Variants in MRPL36 observed in about 807,000 individuals in gnomAD.
The protein encoded by MRPL36 is large ribosomal subunit protein bL36m.
Under a neutral mutation model 2.8 loss-of-function variants are expected in MRPL36, and 1 was observed. That is an observed-to-expected ratio of 0.36 (90% CI 0.13 to 1.69). The LOEUF (loss-of-function observed/expected upper bound fraction) is 1.69, where lower values mean the gene tolerates loss of function less well. MRPL36 is among the 40% of genes most tolerant of loss of function. The pLI is 0.35. For missense variants in MRPL36, 148 were observed against 132.7 expected, an observed-to-expected ratio of 1.12 and a Z score of -0.57; for synonymous variants, 68 against 54.8, an observed-to-expected ratio of 1.24 and a Z score of -1.06.
upstream of MRPL36, chr5:1,799,973 C>G (rs1239939432): frequency 2.0e-5 from 3 of 152,108 alleles, no homozygotes; most frequent in Non-Finnish European, 4.4e-5. Flanking sequence ...CACTCCCCGA[C>G]TGCGCGCACT....
chr5:1,798,854 T>C lies in MRPL36; in HGVS notation c.82A>G (p.Thr28Ala). The stretch of plus-strand genomic sequence containing the variant: ...CCTCGAATGGATCCAAATAGAAATG[T>C]GGAGAGGGCTCGAGGCTTCACCGTG... The part of the protein sequence containing the change: ...RHTVKPRALS[T>A]FLFGSIRGAA... Residue 28 changes from threonine to alanine, a missense_variant, in exon 2 of 2, where the codon ACA becomes GCA. Thr to Ala is a moderately conservative substitution (Grantham distance 58). Coordinates refer to ENST00000505059, the MANE Select transcript of MRPL36 (RefSeq NM_032479.4). 1 of 1,613,744 alleles carries C rather than the reference T, an allele frequency of 6.2e-7. No homozygotes were observed. The highest frequency in any genetic ancestry group is 8.5e-7 in the Non-Finnish European group (1 of 1,179,746).
rs770920012 is a variant in MRPL36 at position 1,798,896 on chromosome 5, G to A, written c.40C>T (p.Leu14Phe). The A allele has an allele frequency of 3.7e-6, 6 of 1,605,704 alleles. No homozygotes were observed. The highest frequency in any genetic ancestry group is 1.3e-5 in the African/African-American group (1 of 74,734). The change falls in exon 2 of 2, where the codon CTC (leucine) becomes TTC (phenylalanine). Residue 14 changes from leucine to phenylalanine, a missense_variant. Transcript: ENST00000505059. ...TTCACCGTGTGACGACTGAGATAGA[G>A]CAGAGGGTTCACCATTTTCCTTATA... ...LFIRKMVNPL[L>F]YLSRHTVKPR...
At chr5:1,799,905 T>C (rs1182468125), upstream of MRPL36, 3 of 148,198 alleles carry the variant, frequency 2.0e-5, no homozygotes, top group Non-Finnish European at 4.4e-5. Flanking sequence ...CGTGCCCACG[T>C]CCAGTGCGGG....
At chr5:1,801,307 T>TTC (rs1561101435), upstream of MRPL36, 44 of 1,105,368 alleles carry the variant, frequency 4.0e-5, no homozygotes, top group Non-Finnish European at 4.9e-6. Context: ...CGACCCGCGC[T>TTC]CCCCGCCCCC....
At chr5:1,801,329 A>G (rs1734032015), upstream of MRPL36, 3 of 1,530,240 alleles carry the variant, frequency 2.0e-6, no homozygotes, top group Non-Finnish European at 2.6e-6. Context: ...GGGCGAAATA[A>G]ATACCGGGTG....
chr5:1,798,426 G>T lies in MRPL36; in HGVS notation c.*198C>A. On this transcript the variant is annotated 3_prime_UTR_variant, in exon 2 of 2. Transcript: ENST00000505059. Reference sequence around the variant, plus strand: ...TTTAATAGGAAAATGTTTTTTAGTTGGAACGTTTTGGAAATAAGATAACGC... The same window carrying T: ...TTTAATAGGAAAATGTTTTTTAGTTTGAACGTTTTGGAAATAAGATAACGC... 1 of 547,738 alleles carries T rather than the reference G, an allele frequency of 1.8e-6. No homozygotes were observed. The highest frequency in any genetic ancestry group is 3.2e-6 in the Non-Finnish European group (1 of 311,362). 33.9% of individuals were successfully genotyped at this position (547,738 alleles called of 1,614,324 possible).
At position 1,798,592 on chromosome 5, in the gene MRPL36, C is replaced by T. The variant is rs752061979; in HGVS notation, c.*32G>A. ...ACCATTCTCCCAAGTGATGCGATGA[C>T]GAGTATGTGCGTGACTCTGGAGGGA... On this transcript the variant is annotated 3_prime_UTR_variant, in exon 2 of 2. Transcript: ENST00000505059. The T allele has an allele frequency of 9.6e-6, 15 of 1,568,834 alleles. No homozygotes were observed. The highest frequency in any genetic ancestry group is 1.7e-4 in the Middle Eastern group (1 of 5,892).
At chr5:1,801,147 G>A (rs111655623), upstream of MRPL36, among the ~76,000 whole-genome samples, 282 of 152,326 alleles carry the variant, frequency 1.9e-3, 5 homozygotes, top group African/African-American at 6.4e-3. Flanking sequence ...ACCTGCCGGC[G>A]CAACGGGGCC....
chr5:1,799,200 A>T, intron 1 of MRPL36: 1 of 413,964 alleles, frequency 2.4e-6, no homozygotes. Context: ...GTGAGTGTGC[A>T]AAGCCCTGCG....
At position 1,798,721 on chromosome 5, in the gene MRPL36, A is replaced by G. The variant is rs761929388; in HGVS notation, c.215T>C (p.Leu72Pro). 67 of 1,613,808 alleles carry G rather than the reference A, an allele frequency of 4.2e-5. No homozygotes were observed. The highest frequency in any genetic ancestry group is 5.1e-5 in the Non-Finnish European group (60 of 1,179,888). The change falls in exon 2 of 2, where the codon CTT becomes CCT. Residue 72 changes from leucine to proline, a missense_variant. Transcript: ENST00000505059. Reference protein sequence around the residue: ...PALGFKNKTVLKKRCKDCYLV... With the variant: ...PALGFKNKTVPKKRCKDCYLV... ...GTAACAGTCCTTGCAGCGCTTCTTA[A>G]GGACAGTCTTGTTTTTGAACCCCAG...
In MRPL36 at chr5:1,798,722, G is replaced by A. The variant is rs765436174; in HGVS notation, c.214C>T (p.Leu72Phe). The A allele has an allele frequency of 1.9e-6, 3 of 1,613,820 alleles. No individual in the cohort carries two copies. The highest frequency in any genetic ancestry group is 2.2e-5 in the East Asian group (1 of 44,888). ...PALGFKNKTV[L>F]KKRCKDCYLV... is the part of the protein sequence containing the mutation. ...TAACAGTCCTTGCAGCGCTTCTTAA[G>A]GACAGTCTTGTTTTTGAACCCCAGC... Residue 72 changes from leucine to phenylalanine, a missense_variant, in exon 2 of 2, where the codon CTT (leucine) becomes TTT (phenylalanine). Coordinates refer to ENST00000505059, the MANE Select transcript of MRPL36 (RefSeq NM_032479.4).
upstream of MRPL36, chr5:1,799,881 G>GT (rs1241996306): frequency 6.6e-6 from 1 of 151,986 alleles, no homozygotes; most frequent in Non-Finnish European, 1.5e-5. Context: ...GCGGCGGGGG[G>GT]GGGGGTCACG....
chr5:1,799,927 C>T (rs1733985935), upstream of MRPL36: 1 of 151,428 alleles, frequency 6.6e-6, no homozygotes, highest in Non-Finnish European at 1.5e-5. Context: ...CGCAGAGACG[C>T]AGCAGCGAGT....
chr5:1,801,322 C>G, upstream of MRPL36: 2 of 1,443,808 alleles, frequency 1.4e-6, no homozygotes, highest in South Asian at 2.5e-5. Flanking sequence ...GCCCCCAGGG[C>G]GAAATAAATA....
chr5:1,798,742 C>T lies in MRPL36; in HGVS notation c.194G>A (p.Gly65Glu). ...CTTAAGGACAGTCTTGTTTTTGAAC[C>T]CCAGCGCAGGCAGCAGATGGGGCAG... Reference protein sequence around the residue: ...GLLPHLLPALGFKNKTVLKKR... With the variant: ...GLLPHLLPALEFKNKTVLKKR... The change falls in exon 2 of 2, where the codon GGG (glycine) becomes GAG (glutamate). Residue 65 changes from glycine to glutamate, a missense_variant. Transcript: ENST00000505059. The T allele has an allele frequency of 6.2e-7, 1 of 1,613,958 alleles. No homozygotes were observed. The highest frequency in any genetic ancestry group is 1.1e-5 in the South Asian group (1 of 91,074).
chr5:1,800,004 C>G (rs375476515), upstream of MRPL36: 1 of 152,076 alleles, frequency 6.6e-6, no homozygotes. Flanking sequence ...CCGGGATCGT[C>G]GTGCTGTTTG....
chr5:1,801,293 G>T (rs935667808), upstream of MRPL36: 3 of 1,396,736 alleles, frequency 2.1e-6, no homozygotes, highest in Non-Finnish European at 2.8e-6. Flanking sequence ...CGCACCCTCT[G>T]CCCCGACCCG....
At chr5:1,801,106 C>T (rs1439154398), upstream of MRPL36, among the ~76,000 whole-genome samples, 3 of 152,268 alleles carry the variant, frequency 2.0e-5, no homozygotes, top group African/African-American at 4.8e-5. Flanking sequence ...GGCCCTAGCT[C>T]TAGCCTGCGG....
upstream of MRPL36, chr5:1,801,306 C>G (rs1344278306): frequency 7.7e-7 from 1 of 1,300,694 alleles, no homozygotes; most frequent in Admixed American, 3.1e-5. Flanking sequence ...CCGACCCGCG[C>G]TCCCCGCCCC....
Sources: gnomAD v4.1 joint callset for allele counts (sites outside exome capture counted in the v4.1 genomes callset) on GRCh38, gnomAD v4.1.1 for gene constraint, MANE v1.5 for transcripts, NCBI Gene and HGNC (gene_info 2026-07-23, HGNC 2026-07-21) for gene names.